TMEM117: variants seen among roughly 807,000 people sequenced by gnomAD.
TMEM117 encodes transmembrane protein 117.
A neutral mutation model predicts 52.4 loss-of-function variants in TMEM117; 27 were observed. The observed-to-expected ratio is 0.51, with a 90% CI of 0.38 to 0.71. TMEM117 has a LOEUF of 0.71. Ranked by LOEUF, TMEM117 falls within the 30% of genes least tolerant of loss-of-function variation. The pLI is 0.00. For missense variants in TMEM117, 556 were observed against 630.5 expected, an observed-to-expected ratio of 0.88 and a Z score of 1.26; for synonymous variants, 215 against 206.3, an observed-to-expected ratio of 1.04 and a Z score of -0.36.
intron 6 of TMEM117, among the ~76,000 whole-genome samples, chr12:44,315,488 G>T (rs1281167575): frequency 6.6e-6 from 1 of 152,142 alleles, no homozygotes; most frequent in South Asian, 2.1e-4. Flanking sequence ...TTTACTTTCT[G>T]CCTTAAATTC....
At chr12:44,303,133 T>C (rs1263413706) in intron 6 of TMEM117, among the ~76,000 whole-genome samples, 1 of 152,036 alleles carries the variant, frequency 6.6e-6, no homozygotes, top group Non-Finnish European at 1.5e-5. Context: ...AACCTCTGCC[T>C]CCTGGGTTCA....
intron 3 of TMEM117, among the ~76,000 whole-genome samples, chr12:44,086,695 T>C (rs958165170): frequency 9.9e-5 from 15 of 152,160 alleles, no homozygotes; most frequent in African/African-American, 3.6e-4. Flanking sequence ...ATTCAAATGG[T>C]CAAGGGCCAT....
intron 3 of TMEM117, among the ~76,000 whole-genome samples, chr12:43,978,027 A>T (rs1286128737): frequency 6.6e-6 from 1 of 152,180 alleles, no homozygotes; most frequent in Non-Finnish European, 1.5e-5. Flanking sequence ...CACTTGTTGA[A>T]GGAGGGGACA....
At chr12:44,108,002 A>C (rs1382096089) in intron 3 of TMEM117, among the ~76,000 whole-genome samples, 1 of 152,072 alleles carries the variant, frequency 6.6e-6, no homozygotes, top group Non-Finnish European at 1.5e-5. Context: ...GTTTATTTTC[A>C]TCTGTAACTT....
At chr12:44,065,914 G>C (rs1215650645) in intron 3 of TMEM117, among the ~76,000 whole-genome samples, 4 of 152,208 alleles carry the variant, frequency 2.6e-5, no homozygotes, top group Non-Finnish European at 4.4e-5. Context: ...GTTTGATGGT[G>C]TTAAGAGAAA....
chr12:44,208,470 G>A (rs1204105810), intron 4 of TMEM117, among the ~76,000 whole-genome samples: 2 of 152,134 alleles, frequency 1.3e-5, no homozygotes, highest in Non-Finnish European at 2.9e-5. Flanking sequence ...GAAACCTCAT[G>A]GCATTGTCTT....
At chr12:43,872,280 G>T (rs779627074) in intron 2 of TMEM117, among the ~76,000 whole-genome samples, 1 of 152,094 alleles carries the variant, frequency 6.6e-6, no homozygotes, top group African/African-American at 2.4e-5. Flanking sequence ...CTTATATCCT[G>T]TAGTAATCAA....
intron 3 of TMEM117, among the ~76,000 whole-genome samples, chr12:43,981,326 C>T (rs1178406732): frequency 1.3e-5 from 2 of 152,160 alleles, no homozygotes; most frequent in African/African-American, 2.4e-5. Flanking sequence ...GGAATATTAT[C>T]ACTATCTTCA....
intron 5 of TMEM117, among the ~76,000 whole-genome samples, chr12:44,236,787 G>T (rs544139219): frequency 1.3e-5 from 2 of 151,880 alleles, no homozygotes; most frequent in Non-Finnish European, 2.9e-5. Context: ...ACAGATTTTC[G>T]TCAATACAAG....
intron 3 of TMEM117, among the ~76,000 whole-genome samples, chr12:43,964,600 A>T (rs950182698): frequency 1.3e-5 from 2 of 152,194 alleles, no homozygotes; most frequent in Non-Finnish European, 2.9e-5. Context: ...TTCTTTTTCC[A>T]ACTATACGTC....
At chr12:44,111,750 C>A (rs1356350536) in intron 3 of TMEM117, among the ~76,000 whole-genome samples, 1 of 142,650 alleles carries the variant, frequency 7.0e-6, no homozygotes, top group Non-Finnish European at 1.5e-5. Flanking sequence ...GAGTTCAATT[C>A]CTGGGTATCC....
intron 2 of TMEM117, among the ~76,000 whole-genome samples, chr12:43,857,357 G>A (rs1943419293): frequency 6.7e-6 from 1 of 149,986 alleles, no homozygotes; most frequent in African/African-American, 2.4e-5. Flanking sequence ...AGTCATTCAG[G>A]GACCAAGGGA....
chr12:43,904,517 C>G lies in TMEM117; in HGVS notation c.278-39693C>G, dbSNP rs534127312. Among the ~76,000 whole-genome samples the G allele has an allele frequency of 2.0e-5, 3 of 152,252 alleles. No homozygotes were observed. The South Asian group carries it at 6.2e-4, about 32-fold the overall frequency. On this transcript the variant is annotated intron_variant, in intron 2 of 7. Transcript: ENST00000266534. ...CAAAGCAGTCTTTCTCCTGAGGCCC[C>G]AGCCAGCTCTTTTGGAACAAGAATT...
intron 5 of TMEM117, among the ~76,000 whole-genome samples, chr12:44,217,518 C>T (rs1000118675): frequency 8.5e-5 from 13 of 152,164 alleles, no homozygotes; most frequent in Non-Finnish European, 1.9e-4. Context: ...TGTGTGCCTT[C>T]TTTCTTTAGA....
chr12:44,304,743 C>G (rs532126392), intron 6 of TMEM117, among the ~76,000 whole-genome samples: 3 of 152,206 alleles, frequency 2.0e-5, no homozygotes, highest in Non-Finnish European at 2.9e-5. Context: ...AAGGGAAGGA[C>G]TCAGTCCTGG....
chr12:44,096,443 A>T (rs1947764364), intron 3 of TMEM117, among the ~76,000 whole-genome samples: 1 of 152,140 alleles, frequency 6.6e-6, no homozygotes, highest in Non-Finnish European at 1.5e-5. Flanking sequence ...TGGAGGCATC[A>T]CGCTACCTGA....
intron 3 of TMEM117, among the ~76,000 whole-genome samples, chr12:44,016,758 T>C (rs1946379608): frequency 6.6e-6 from 1 of 152,186 alleles, no homozygotes; most frequent in African/African-American, 2.4e-5. Context: ...TTGTGGATGA[T>C]GCAAAGTATT....
At chr12:44,371,592 C>G (rs1419447434) in intron 6 of TMEM117, among the ~76,000 whole-genome samples, 1 of 152,140 alleles carries the variant, frequency 6.6e-6, no homozygotes, top group African/African-American at 2.4e-5. Context: ...TCCTCTAACA[C>G]TTCTCTAAAT....
At chr12:43,805,889 C>G in the TMEM117 span, 5 of 1,459,850 alleles carry the variant, frequency 3.4e-6, no homozygotes, top group Non-Finnish European at 4.6e-6. Context: ...CTCTTCCCTA[C>G]GTGACCAAAA....
Sources: allele counts gnomAD v4.1 joint callset (sites outside exome capture counted in the v4.1 genomes callset), GRCh38; gene constraint gnomAD v4.1.1; transcripts MANE v1.5; gene names NCBI Gene and HGNC (gene_info 2026-07-23, HGNC 2026-07-21).